The following POLR2B variants were observed in gnomAD, a reference collection of about 807,000 sequenced individuals.
POLR2B encodes the protein RNA polymerase II subunit B, also known as DNA-directed RNA polymerase II subunit RPB2.
POLR2B carries 57 observed loss-of-function variants against 144.6 expected under a neutral mutation model. That is an observed-to-expected ratio of 0.39 (90% confidence interval 0.32 to 0.49). POLR2B has a LOEUF of 0.49. POLR2B is among the 20% of genes least tolerant of loss of function. POLR2B has a pLI of 0.83. For missense variants in POLR2B, 595 were observed against 1,467.4 expected, an observed-to-expected ratio of 0.41 and a Z score of 9.71; for synonymous variants, 442 against 469.8, an observed-to-expected ratio of 0.94 and a Z score of 0.77.
intron 17 of POLR2B, 59 bp downstream of exon 17, chr4:57,021,054 CA>C (rs34000516): frequency 3.2e-6 from 3 of 929,728 alleles, no homozygotes; most frequent in South Asian, 1.3e-5. Context: ...ATTTTTTATG[CA>C]AAAAAAGTTC....
chr4:57,021,719 C>T (rs1020240924), intron 17 of POLR2B, among the ~76,000 whole-genome samples: 2 of 151,986 alleles, frequency 1.3e-5, no homozygotes, highest in South Asian at 4.1e-4. Flanking sequence ...CAGGCTGTCT[C>T]AAACTCCTGA....
Position 57,022,445 on chromosome 4 carries a change from C to T in POLR2B, c.2515+199C>T, listed in dbSNP as rs1723584203. ...GTGTATTTGATAAAAGTCTTTGCAC[C>T]TAGGAGTGAGCTTGCTATAGACCTT... On this transcript the variant is annotated intron_variant, in intron 18 of 24. Transcript: ENST00000314595. Among the ~76,000 whole-genome samples the T allele has an allele frequency of 2.0e-5, 3 of 152,068 alleles. No individual in the cohort carries two copies. The South Asian group carries it at 6.2e-4, about 31-fold the overall frequency.
intron 2 of POLR2B, 57 bp downstream of exon 2, chr4:56,986,483 T>C (rs1257248611): frequency 2.0e-6 from 2 of 990,254 alleles, no homozygotes; most frequent in African/African-American, 3.2e-5. Flanking sequence ...TCCTGCTTAT[T>C]CTTCTTGATA....
chr4:57,023,645 T>G lies in POLR2B; in HGVS notation c.2767-17T>G, dbSNP rs762646219. The G allele has an allele frequency of 1.9e-6, 3 of 1,610,478 alleles. No individual in the cohort carries two copies. The East Asian group carries it at 6.7e-5, about 36-fold the overall frequency. ...AAACCAAATCCACTTAACTAACTTA[T>G]TTTTATATGAATTTAGGTACGCTCT... On this transcript the variant is annotated splice_polypyrimidine_tract_variant and intron_variant, in intron 19 of 24. Coordinates refer to ENST00000314595, the MANE Select transcript of POLR2B (RefSeq NM_000938.3). The surrounding 1 kb of genome is among the most constrained non-coding windows in gnomAD (Gnocchi z 4.3).
At chr4:57,022,377 T>A in intron 18 of POLR2B, 131 bp downstream of exon 18, 1 of 624,534 alleles carries the variant, frequency 1.6e-6, no homozygotes, top group South Asian at 2.0e-5. Flanking sequence ...GCAATGAAAG[T>A]GTGTTTTCAT....
chr4:57,023,143 T>A lies in POLR2B; in HGVS notation c.2516-187T>A, dbSNP rs546691056. ...TCCAATGTTCTTTTCCTTCATAGAC[T>A]TTTTTTTTTGTTTTCTGTGTGGGCT... On this transcript the variant is annotated intron_variant, in intron 18 of 24. Transcript: ENST00000314595. This position sits in a 1 kb window ranked among gnomAD's most constrained non-coding sequence, Gnocchi z 4.3. The A allele has an allele frequency of 8.1e-6, 3 of 371,568 alleles. No homozygotes were observed. The highest frequency in any genetic ancestry group is 1.5e-5 in the Non-Finnish European group (3 of 206,618). The allele number at this position is 371,568 out of a possible 1,614,324, so 23.0% of individuals were successfully genotyped here.
At chr4:57,011,890 T>G (rs1723199173) in intron 13 of POLR2B, among the ~76,000 whole-genome samples, 1 of 152,196 alleles carries the variant, frequency 6.6e-6, no homozygotes, top group Non-Finnish European at 1.5e-5. Flanking sequence ...ACATTTTAAA[T>G]TATTAAATTA....
rs1722798438 is a variant in POLR2B, at chr4:56,999,752, G to C, written c.871G>C (p.Asp291His). ...AGATATTTTAGAACATATTATTTAT[G>C]ATTTTGAAGATCCAGAGATGATGGA... The part of the protein sequence containing the change: ...DRDILEHIIY[D>H]FEDPEMMEMV... Residue 291 changes from aspartate (D) to histidine (H), a missense_variant, in exon 7 of 25, where the codon GAT (aspartate) becomes CAT (histidine). Coordinates refer to ENST00000314595, the MANE Select transcript of POLR2B (RefSeq NM_000938.3). 6.2e-7 allele frequency: 1 copy of C among 1,609,760 alleles called. No individual in the cohort carries two copies. The highest frequency in any genetic ancestry group is 8.5e-7 in the Non-Finnish European group (1 of 1,177,030).
At chr4:57,018,521 A>G (rs890662401) in intron 16 of POLR2B, among the ~76,000 whole-genome samples, 1 of 151,858 alleles carries the variant, frequency 6.6e-6, no homozygotes, top group Non-Finnish European at 1.5e-5. Context: ...AGGTTGGGGG[A>G]AAAATAAGAT....
chr4:56,978,906 T>C lies in POLR2B; in HGVS notation c.-80T>C. On this transcript the variant is annotated 5_prime_UTR_variant, in exon 1 of 25. Coordinates refer to ENST00000314595, the MANE Select transcript of POLR2B (RefSeq NM_000938.3). ...TCGGAGACGGAAGTTACTTCGTCTT[T>C]AGCTCCTGGCGCTGCTGGCTTCTGG... 1.5e-6 allele frequency: 2 copies of C among 1,365,972 alleles called. No individual in the cohort carries two copies. The highest frequency in any genetic ancestry group is 2.1e-6 in the Non-Finnish European group (2 of 953,920). The allele number at this position is 1,365,972 out of a possible 1,614,324, so 84.6% of individuals were successfully genotyped here. A position where few individuals can be genotyped will look rare whatever the true frequency, so the allele number is the denominator to read the frequency against.
At chr4:57,022,357 C>A in intron 18 of POLR2B, 111 bp downstream of exon 18, 1 of 645,884 alleles carries the variant, frequency 1.5e-6, no homozygotes, top group Non-Finnish European at 2.8e-6. Flanking sequence ...CCTCCTCTCC[C>A]TTTTTTTGTG....
chr4:57,024,797 A>C (rs1723662710), intron 21 of POLR2B, 89 bp from the exon 22 acceptor site: 1 of 675,296 alleles, frequency 1.5e-6, no homozygotes, highest in African/African-American at 1.9e-5. Context: ...AAAGTATTTA[A>C]AAATTTTTTG....
At chr4:56,999,594 C>T (rs953254809) in intron 6 of POLR2B, 23 bp from the exon 7 acceptor site, 4 of 1,545,956 alleles carry the variant, frequency 2.6e-6, no homozygotes, top group Non-Finnish European at 1.8e-6. Flanking sequence ...TATTCATGTT[C>T]TAATGATACT....
intron 7 of POLR2B, among the ~76,000 whole-genome samples, chr4:57,002,015 T>G (rs1722869483): frequency 6.6e-6 from 1 of 152,124 alleles, no homozygotes; most frequent in African/African-American, 2.4e-5. Context: ...CTTTCAGATT[T>G]TGCCAGTAGT....
rs1206398799 is a variant in POLR2B, at chr4:57,017,006, C to T, written c.1956-37C>T. 16 of 1,336,746 alleles carry T rather than the reference C, an allele frequency of 1.2e-5. No homozygotes were observed. The East Asian group carries it at 3.7e-4, about 31-fold the overall frequency. The allele number at this position is 1,336,746 out of a possible 1,614,324, so 82.8% of individuals were successfully genotyped here. A position where few individuals can be genotyped will look rare whatever the true frequency, so the allele number is the denominator to read the frequency against. ...GTAGGAGGAATAGTTAGTTAAAATACTTGAGGAAGTAGAAAATTGAGTGAA... is the reference window on the plus strand; with the variant it reads ...GTAGGAGGAATAGTTAGTTAAAATATTTGAGGAAGTAGAAAATTGAGTGAA... On this transcript the variant is annotated intron_variant, in intron 14 of 24. Coordinates refer to ENST00000314595, the MANE Select transcript of POLR2B (RefSeq NM_000938.3). This position sits in a 1 kb window ranked among gnomAD's most constrained non-coding sequence, Gnocchi z 4.8.
In POLR2B at chr4:57,017,456, A is replaced by T. The variant is rs1723406752; in HGVS notation, c.2155-104A>T. On this transcript the variant is annotated intron_variant, in intron 15 of 24. Transcript: ENST00000314595. This position sits in a 1 kb window ranked among gnomAD's most constrained non-coding sequence, Gnocchi z 4.8. ...GTTATTACTTACTGTTTTTGAAAAA[A>T]ATCAGGAGTTTTACCAATCATATTT... is the stretch of plus-strand genomic sequence containing the variant. 1 of 1,030,456 alleles carries T rather than the reference A, an allele frequency of 9.7e-7. No individual in the cohort carries two copies. Among genetic ancestry groups the T allele is most frequent in the African/African-American group, 1.6e-5 (1 of 62,148 alleles). 63.8% of individuals were successfully genotyped at this position (1,030,456 alleles called of 1,614,324 possible). A position where few individuals can be genotyped will look rare whatever the true frequency, so the allele number is the denominator to read the frequency against.
chr4:56,989,674 CAG>C (rs1722453488), intron 2 of POLR2B, among the ~76,000 whole-genome samples: 3 of 152,322 alleles, frequency 2.0e-5, no homozygotes, highest in African/African-American at 4.8e-5. Flanking sequence ...TATAAGATGA[CAG>C]AGGTCACAAG....
At position 57,005,394 on chromosome 4, in the gene POLR2B, A is replaced by T; in HGVS notation, c.1049A>T (p.His350Leu). 1 of 1,603,130 alleles carries T rather than the reference A, an allele frequency of 6.2e-7. No individual in the cohort carries two copies. The highest frequency in any genetic ancestry group is 8.5e-7 in the Non-Finnish European group (1 of 1,177,248). ...GTTTTACAAAAAGAAATGCTCCCTC[A>T]TGTTGGTGTCAGTGATTTTTGTGAG... ...KEVLQKEMLP[H>L]VGVSDFCETK... Residue 350 changes from histidine to leucine, a missense_variant, in exon 8 of 25, where the codon CAT (histidine) becomes CTT (leucine). Coordinates refer to ENST00000314595, the MANE Select transcript of POLR2B (RefSeq NM_000938.3).
At chr4:57,003,298 T>A (rs1722910447) in intron 7 of POLR2B, among the ~76,000 whole-genome samples, 1 of 151,990 alleles carries the variant, frequency 6.6e-6, no homozygotes, top group African/African-American at 2.4e-5. Flanking sequence ...GGCATGGTGG[T>A]GTGCGCCTGT....
Sources: allele counts gnomAD v4.1 joint callset (sites outside exome capture counted in the v4.1 genomes callset), GRCh38; gene constraint gnomAD v4.1.1; non-coding constraint Gnocchi (gnomAD v3.1); transcripts MANE v1.5; gene names NCBI Gene and HGNC (gene_info 2026-07-23, HGNC 2026-07-21).